Variants in PRDM2 observed in about 807,000 individuals in gnomAD.
The protein encoded by PRDM2 is PR domain zinc finger protein 2.
PRDM2 carries 30 observed loss-of-function variants against 130.0 expected under a neutral mutation model. The ratio of observed to expected loss-of-function variants is 0.23; its 90% CI spans 0.17 to 0.31. The LOEUF (loss-of-function observed/expected upper bound fraction) is 0.31. Ranked by LOEUF, PRDM2 falls within the 10% of genes least tolerant of loss-of-function variation. PRDM2 has a pLI of 1.00. For missense variants in PRDM2, 2,011 were observed against 2,108.4 expected (o/e 0.95, Z 0.90); for synonymous variants, 871 against 782.4 (o/e 1.11, Z -1.89).
intron 6 of PRDM2, among the ~76,000 whole-genome samples, chr1:13,757,109 C>G (rs1470907962): frequency 6.6e-6 from 1 of 152,234 alleles, no homozygotes; most frequent in Non-Finnish European, 1.5e-5. Flanking sequence ...AATACCAAGA[C>G]TATGATTAAG....
In PRDM2 at chr1:13,747,598, T is replaced by G. The variant is rs181843740; in HGVS notation, c.385-1763T>G. 1.9e-4 allele frequency among the ~76,000 whole-genome samples: 29 copies of G among 152,238 alleles called. 1 individual carries two copies. Among genetic ancestry groups the G allele is most frequent in the African/African-American group, 6.5e-4 (27 of 41,544 alleles). On this transcript the variant is annotated intron_variant, in intron 5 of 9. Coordinates refer to ENST00000311066, the MANE Select transcript of PRDM2 (RefSeq NM_001393986.1). Reference sequence around the variant, plus strand: ...GAGCCAAGGAAACAGCTGCCTTGTTTTAATTTAAAGAATTTAGAATATTTT... The same window carrying G: ...GAGCCAAGGAAACAGCTGCCTTGTTGTAATTTAAAGAATTTAGAATATTTT...
At chr1:13,751,384 C>G (rs1643833543) in intron 6 of PRDM2, among the ~76,000 whole-genome samples, 1 of 152,120 alleles carries the variant, frequency 6.6e-6, no homozygotes. Context: ...CTGTTTTTAA[C>G]AGCTTACTGG....
intron 6 of PRDM2, among the ~76,000 whole-genome samples, chr1:13,758,049 C>T (rs1644002616): frequency 2.0e-5 from 3 of 151,974 alleles, no homozygotes; most frequent in Admixed American, 2.0e-4. Flanking sequence ...ATATGTATGT[C>T]TATATAAAAT....
At chr1:13,819,098 G>T (rs1249904632) in intron 9 of PRDM2, among the ~76,000 whole-genome samples, 1 of 152,270 alleles carries the variant, frequency 6.6e-6, no homozygotes, top group African/African-American at 2.4e-5. Flanking sequence ...AGGCTGCTAC[G>T]TGAACCTTCT....
chr1:13,816,695 C>A, intron 9 of PRDM2, 125 bp downstream of exon 9: 2 of 1,270,200 alleles, frequency 1.6e-6, no homozygotes, highest in Non-Finnish European at 2.1e-6. Context: ...GTACCAGGCA[C>A]GGTGCAGGGC....
intron 6 of PRDM2, among the ~76,000 whole-genome samples, chr1:13,765,667 G>A (rs150518584): frequency 0.017 from 2,619 of 152,100 alleles, 65 homozygotes; most frequent in African/African-American, 0.06. Flanking sequence ...GGATTTCACC[G>A]TGTTGGTCAG....
chr1:13,752,989 C>T (rs866338181), intron 6 of PRDM2, among the ~76,000 whole-genome samples: 2 of 152,168 alleles, frequency 1.3e-5, no homozygotes, highest in Admixed American at 6.5e-5. Flanking sequence ...ACATGGCTGG[C>T]GTTTACTTCC....
In PRDM2 at chr1:13,823,959, A is replaced by G. The variant is rs1485236911; in HGVS notation, c.*824A>G. On this transcript the variant is annotated 3_prime_UTR_variant, in exon 10 of 10. Transcript: ENST00000311066. Reference sequence around the variant, plus strand: ...TGCCACACTTGGTGGGACCATGAACATCTTTAGTGTCTGAGCTTCTCAAAT... The same window carrying G: ...TGCCACACTTGGTGGGACCATGAACGTCTTTAGTGTCTGAGCTTCTCAAAT... The G allele has an allele frequency of 6.6e-6, 1 of 152,264 alleles. No homozygotes were observed. The highest frequency in any genetic ancestry group is 1.5e-5 in the Non-Finnish European group (1 of 68,044). The allele number at this position is 152,264 out of a possible 1,614,324, so 9.4% of individuals were successfully genotyped here. A position where few individuals can be genotyped will look rare whatever the true frequency, so the allele number is the denominator to read the frequency against.
intron 2 of PRDM2, chr1:13,717,323 A>T: frequency 1.9e-6 from 1 of 521,360 alleles, no homozygotes; most frequent in Non-Finnish European, 2.5e-6. Flanking sequence ...TTCCTATTTT[A>T]AGATTGATTC....
chr1:13,802,555 C>T (rs553627765), intron 8 of PRDM2, among the ~76,000 whole-genome samples: 3 of 152,296 alleles, frequency 2.0e-5, no homozygotes, highest in South Asian at 2.1e-4. Context: ...AAACCACACA[C>T]GGGGTGAGCT....
chr1:13,737,003 G>C (rs952153645), intron 4 of PRDM2, among the ~76,000 whole-genome samples: 1 of 152,198 alleles, frequency 6.6e-6, no homozygotes, highest in African/African-American at 2.4e-5. Context: ...ATCAGTCAGC[G>C]CTGCTATGAT....
Position 13,803,320 on chromosome 1 carries a change from T to C in PRDM2, c.5037-13107T>C, listed in dbSNP as rs993477369. Among the ~76,000 whole-genome samples the C allele has an allele frequency of 1.3e-5, 2 of 152,202 alleles. No homozygotes were observed. Among genetic ancestry groups the C allele is most frequent in the Admixed American group, 6.5e-5 (1 of 15,278 alleles). ...CCATCCATTTGTTCAGGAAACGTTC[T>C]CTGAGCACCAGCCTTTGCTAGGCCC... On this transcript the variant is annotated intron_variant, in intron 8 of 9. Transcript: ENST00000311066. This position sits in a 1 kb window ranked among gnomAD's most constrained non-coding sequence, Gnocchi z 6.2.
rs569808441 is a variant in PRDM2, at chr1:13,801,348, C to T, written c.5037-15079C>T. On this transcript the variant is annotated intron_variant, in intron 8 of 9. Coordinates refer to ENST00000311066, the MANE Select transcript of PRDM2 (RefSeq NM_001393986.1). ...AACCCACAGTAACTGGCAGAGTGAG[C>T]GGTCAGTGGCTATCAGATAACTAAG... Among the ~76,000 whole-genome samples the T allele has an allele frequency of 5.9e-5, 9 of 152,310 alleles. No homozygotes were observed. In the South Asian group the frequency reaches 1.2e-3, roughly 21 times the overall value.
At chr1:13,759,308 A>G (rs1024782673) in intron 6 of PRDM2, among the ~76,000 whole-genome samples, 3 of 152,110 alleles carry the variant, frequency 2.0e-5, no homozygotes, top group African/African-American at 4.8e-5. Flanking sequence ...TTGTTCACCC[A>G]TGTTTAGAAC....
chr1:13,823,302 C>T lies in PRDM2; in HGVS notation c.*167C>T, dbSNP rs533866572. On this transcript the variant is annotated 3_prime_UTR_variant, in exon 10 of 10. Transcript: ENST00000311066. ...GCATGTGTGCGTGCGTGTGTGTTCA[C>T]GTGTTCTCGTGCGGGCGCGTGAGTG... is the stretch of plus-strand genomic sequence containing the variant. 2.9e-5 allele frequency: 36 copies of T among 1,239,488 alleles called. No individual in the cohort carries two copies. The East Asian group carries it at 8.1e-4, about 28-fold the overall frequency. 76.8% of individuals were successfully genotyped at this position (1,239,488 alleles called of 1,614,324 possible). A position where few individuals can be genotyped will look rare whatever the true frequency, so the allele number is the denominator to read the frequency against.
At chr1:13,804,230 C>T (rs899842594) in intron 8 of PRDM2, among the ~76,000 whole-genome samples, 5 of 152,142 alleles carry the variant, frequency 3.3e-5, no homozygotes, top group African/African-American at 7.2e-5. Flanking sequence ...CTGTCCCCAC[C>T]GGCTGTACTC....
At chr1:13,787,050 T>C (rs549253196) in intron 8 of PRDM2, 1 of 985,546 alleles carries the variant, frequency 1.0e-6, no homozygotes, top group Admixed American at 6.1e-5. Context: ...CCCTGGTATT[T>C]CTTTTTTTTG....
At chr1:13,705,105 A>G (rs1050352196) in intron 1 of PRDM2, 2 of 152,254 alleles carry the variant, frequency 1.3e-5, no homozygotes, top group Admixed American at 6.5e-5. Context: ...CCCTACCTCA[A>G]TGTACAGAAT....
In PRDM2 at chr1:13,781,572, A is replaced by T; in HGVS notation, c.3777A>T (p.Glu1259Asp). The T allele has an allele frequency of 6.2e-7, 1 of 1,611,892 alleles. No homozygotes were observed. Among genetic ancestry groups the T allele is most frequent in the Non-Finnish European group, 8.5e-7 (1 of 1,179,314 alleles). ...PEDPLETSKE[E>D]EELNDSSEEL... ...ATCCTTTAGAAACTTCTAAAGAAGA[A>T]GAGGAGTTAAATGATTCCTCTGAAG... Residue 1259 changes from glutamate (E) to aspartate (D), a missense_variant, in exon 8 of 10, where the codon GAA becomes GAT. Around this residue, in one of 5 missense-constraint regions of PRDM2, gnomAD observed 229 missense variants for 364.1 expected, o/e 0.63. Coordinates refer to ENST00000311066, the MANE Select transcript of PRDM2 (RefSeq NM_001393986.1). This position sits in a 1 kb window ranked among gnomAD's most constrained non-coding sequence, Gnocchi z 6.1.
Sources: allele counts gnomAD v4.1 joint callset (sites outside exome capture counted in the v4.1 genomes callset), GRCh38; gene constraint gnomAD v4.1.1; regional missense constraint gnomAD v4.1.1; non-coding constraint Gnocchi (gnomAD v3.1); transcripts MANE v1.5; gene names NCBI Gene and HGNC (gene_info 2026-07-23, HGNC 2026-07-21).